The following DRC11 variants were observed in gnomAD, a reference collection of about 807,000 sequenced individuals.
DRC11 encodes IQ and AAA domain-containing protein 1.
chr2:236,374,505 T>TCACGGTTC, the DRC11 span, among the ~76,000 whole-genome samples: 3 of 152,148 alleles, frequency 2.0e-5, no homozygotes, highest in African/African-American at 7.2e-5. Context: ...TTTAATTGGC[T>TCACGGTTC]CACGGTTCCG....
chr2:236,454,584 TC>T, the DRC11 span: 1 of 152,228 alleles, frequency 6.6e-6, no homozygotes. This position sits in a 1 kb window ranked among gnomAD's most constrained non-coding sequence, Gnocchi z 5.3. Flanking sequence ...CATGTGACCA[TC>T]AGTCTCCCTC....
chr2:236,363,332 C>T, the DRC11 span, among the ~76,000 whole-genome samples: 3 of 152,194 alleles, frequency 2.0e-5, no homozygotes, highest in South Asian at 2.1e-4. The surrounding 1 kb of genome is among the most constrained non-coding windows in gnomAD (Gnocchi z 5.6). Flanking sequence ...TTACTCTGGT[C>T]GGCTTAGGTG....
At chr2:236,407,253 C>T in the DRC11 span, among the ~76,000 whole-genome samples, 1 of 152,186 alleles carries the variant, frequency 6.6e-6, no homozygotes, top group Non-Finnish European at 1.5e-5. Flanking sequence ...ACATTTGTCA[C>T]AAGTTTCTTT....
At chr2:236,403,153 G>A in the DRC11 span, among the ~76,000 whole-genome samples, 1 of 152,056 alleles carries the variant, frequency 6.6e-6, no homozygotes, top group Non-Finnish European at 1.5e-5. Context: ...GAGGGCTCCA[G>A]GGAAGGAGAC....
At chr2:236,444,489 C>T in the DRC11 span, among the ~76,000 whole-genome samples, 2 of 152,190 alleles carry the variant, frequency 1.3e-5, no homozygotes, top group African/African-American at 4.8e-5. Context: ...ATCTTGAAGG[C>T]CCCCAGGGGT....
chr2:236,506,898 G>C, the DRC11 span, among the ~76,000 whole-genome samples: 1 of 152,180 alleles, frequency 6.6e-6, no homozygotes, highest in African/African-American at 2.4e-5. The surrounding 1 kb of genome is among the most constrained non-coding windows in gnomAD (Gnocchi z 4.9). Flanking sequence ...ACAAAGCACC[G>C]TATTTGTTAC....
chr2:236,357,187 ATATATAT>A, the DRC11 span, among the ~76,000 whole-genome samples: 110 of 85,916 alleles, frequency 1.3e-3, 1 homozygote, highest in East Asian at 0.025. Context: ...ATATATATTC[ATATATAT>A]TATAAATTAT....
the DRC11 span, among the ~76,000 whole-genome samples, chr2:236,357,030 TTTATATATTCATATATTATATATCTA>T: frequency 5.3e-4 from 44 of 82,894 alleles, 1 homozygote; most frequent in African/African-American, 1.9e-3. Context: ...TATCTATATA[TTTATATATTCATATATTATATATCTA>T]TTTATATATT....
the DRC11 span, among the ~76,000 whole-genome samples, chr2:236,338,788 C>A: frequency 1.0e-3 from 154 of 152,214 alleles, 1 homozygote; most frequent in Non-Finnish European, 7.6e-4. Flanking sequence ...CAATGAAGAG[C>A]CCAGCTCCTG....
chr2:236,443,277 C>T, the DRC11 span, among the ~76,000 whole-genome samples: 1 of 152,112 alleles, frequency 6.6e-6, no homozygotes, highest in African/African-American at 2.4e-5. The surrounding 1 kb of genome is among the most constrained non-coding windows in gnomAD (Gnocchi z 4.4). Flanking sequence ...CAGATCCACC[C>T]ATCACCTTAG....
chr2:236,411,372 C>T, the DRC11 span, among the ~76,000 whole-genome samples: 1 of 150,122 alleles, frequency 6.7e-6, no homozygotes, highest in Admixed American at 6.6e-5. Flanking sequence ...GTTAGAATGG[C>T]AATCATTAAA....
the DRC11 span, chr2:236,487,946 T>A: frequency 4.0e-6 from 5 of 1,245,174 alleles, no homozygotes; most frequent in Non-Finnish European, 5.3e-6. Context: ...TTGAGATGTA[T>A]CTTTAGTGTA....
At chr2:236,456,278 T>A in the DRC11 span, among the ~76,000 whole-genome samples, 1 of 152,300 alleles carries the variant, frequency 6.6e-6, no homozygotes, top group African/African-American at 2.4e-5. The surrounding 1 kb of genome is among the most constrained non-coding windows in gnomAD (Gnocchi z 5.4). Flanking sequence ...CCCTACCTCA[T>A]TTTTAAGATG....
the DRC11 span, among the ~76,000 whole-genome samples, chr2:236,467,372 G>GA: frequency 1.3e-5 from 2 of 151,872 alleles, no homozygotes; most frequent in African/African-American, 4.8e-5. Context: ...GCAAATAGGA[G>GA]AAAAAAAATC....
chr2:236,488,582 T>C, the DRC11 span, among the ~76,000 whole-genome samples: 1 of 152,184 alleles, frequency 6.6e-6, no homozygotes, highest in Admixed American at 6.5e-5. Flanking sequence ...CTACCTCTAA[T>C]ATGAGCTTTT....
chr2:236,411,611 G>A, the DRC11 span, among the ~76,000 whole-genome samples: 3 of 149,702 alleles, frequency 2.0e-5, no homozygotes, highest in African/African-American at 7.4e-5. Context: ...GTTTATTGTG[G>A]CATTATTCAC....
At chr2:236,455,877 C>G in the DRC11 span, among the ~76,000 whole-genome samples, 1 of 152,078 alleles carries the variant, frequency 6.6e-6, no homozygotes, top group Non-Finnish European at 1.5e-5. The surrounding 1 kb of genome is among the most constrained non-coding windows in gnomAD (Gnocchi z 5.7). Context: ...AAGCACATTG[C>G]GTGCTGTTTT....
chr2:236,401,426 C>T, the DRC11 span, among the ~76,000 whole-genome samples: 1 of 152,196 alleles, frequency 6.6e-6, no homozygotes, highest in Non-Finnish European at 1.5e-5. The surrounding 1 kb of genome is among the most constrained non-coding windows in gnomAD (Gnocchi z 4.6). Context: ...TCCCACCAGA[C>T]ACAGCAGGCA....
the DRC11 span, among the ~76,000 whole-genome samples, chr2:236,478,112 T>A: frequency 6.6e-6 from 1 of 152,086 alleles, no homozygotes; most frequent in Non-Finnish European, 1.5e-5. The surrounding 1 kb of genome is among the most constrained non-coding windows in gnomAD (Gnocchi z 5.9). Flanking sequence ...TTCTCCTTGC[T>A]TTTCTAGTAC....
Sources: allele counts gnomAD v4.1 joint callset (sites outside exome capture counted in the v4.1 genomes callset), GRCh38; gene constraint gnomAD v4.1.1; non-coding constraint Gnocchi (gnomAD v3.1); transcripts MANE v1.5; gene names NCBI Gene and HGNC (gene_info 2026-07-23, HGNC 2026-07-21).